TRPC4: variants seen among roughly 807,000 people sequenced by gnomAD.
The protein encoded by TRPC4 is short transient receptor potential channel 4.
A neutral mutation model predicts 99.4 loss-of-function variants in TRPC4; 49 were observed. That is an observed-to-expected ratio of 0.49 (90% CI 0.39 to 0.63). The LOEUF is 0.63. Among genes scored for constraint, TRPC4 ranks in the 20% least tolerant of loss-of-function variants. The probability of loss-of-function intolerance (pLI) is 0.00; values close to 1 mark genes in which losing one functional copy is unlikely to be tolerated. For missense variants in TRPC4, 898 were observed against 1,152.9 expected (o/e 0.78, Z 3.20); for synonymous variants, 454 against 425.9 (o/e 1.07, Z -0.81).
Position 37,736,246 on chromosome 13 carries a change from A to G in TRPC4, c.897+9691T>C, listed in dbSNP as rs117444131. ...AGGGGGCTGGGGTAGAGCATTAGGG[A>G]TTCTGTGATCCATATTGCCTCTGCC... On this transcript the variant is annotated intron_variant, in intron 3 of 10. Coordinates refer to ENST00000379705, the MANE Select transcript of TRPC4 (RefSeq NM_016179.4). Among the ~76,000 whole-genome samples, 1,520 of 152,128 alleles carry G rather than the reference A, an allele frequency of 1.0e-2. 12 individuals are homozygous for G. The highest frequency in any genetic ancestry group is 0.03 in the South Asian group (144 of 4,822).
chr13:37,821,190 CCACACACACACACACACACA>C (rs3086254), intron 1 of TRPC4, among the ~76,000 whole-genome samples: 1 of 135,938 alleles, frequency 7.4e-6, no homozygotes, highest in Non-Finnish European at 1.6e-5. Context: ...TTCACAATAG[CCACACACACACACACACACA>C]CACACACACA....
Position 37,639,280 on chromosome 13 carries a change from A to C in TRPC4, c.2099T>G (p.Leu700Trp), listed in dbSNP as rs770079185. The change falls in exon 9 of 11, where the codon TTG becomes TGG. Residue 700 changes from leucine (L) to tryptophan (W), a missense_variant. Coordinates refer to ENST00000379705, the MANE Select transcript of TRPC4 (RefSeq NM_016179.4). Reference protein sequence around the residue: ...GTIGRRAADNLRRHHQYQEVM... With the variant: ...GTIGRRAADNWRRHHQYQEVM... ...TACTTGGTATTGGTGATGTCTTCTC[A>C]AGTTATCAGCAGCTCGCCTCTGAAA... The C allele has an allele frequency of 1.9e-6, 3 of 1,613,690 alleles. No individual in the cohort carries two copies. The highest frequency in any genetic ancestry group is 2.5e-6 in the Non-Finnish European group (3 of 1,179,678).
At chr13:37,837,552 G>A (rs138133199) in intron 1 of TRPC4, among the ~76,000 whole-genome samples, 1,629 of 152,318 alleles carry the variant, frequency 0.011, 21 homozygotes, top group African/African-American at 0.037. Context: ...CATGGGGCCT[G>A]TAGCCTCTTT....
At chr13:37,846,619 A>G (rs1470787914) in intron 1 of TRPC4, among the ~76,000 whole-genome samples, 3 of 150,276 alleles carry the variant, frequency 2.0e-5, no homozygotes, top group Non-Finnish European at 1.5e-5. Context: ...AAACCATCAA[A>G]CCACAAATGA....
At chr13:37,667,162 A>G (rs1952672454) in intron 5 of TRPC4, among the ~76,000 whole-genome samples, 1 of 152,118 alleles carries the variant, frequency 6.6e-6, no homozygotes, top group Non-Finnish European at 1.5e-5. Context: ...TCTAAACCCA[A>G]ATCTTATGTA....
chr13:37,688,911 T>C (rs1205811281), intron 4 of TRPC4, among the ~76,000 whole-genome samples: 1 of 152,134 alleles, frequency 6.6e-6, no homozygotes, highest in African/African-American at 2.4e-5. Context: ...CAATGAACTA[T>C]GAAATGTTCT....
At chr13:37,831,996 A>G (rs964778561) in intron 1 of TRPC4, among the ~76,000 whole-genome samples, 2 of 152,164 alleles carry the variant, frequency 1.3e-5, no homozygotes, top group Non-Finnish European at 2.9e-5. Context: ...ATATTTTACA[A>G]TGTGTTGTAT....
chr13:37,779,544 A>G (rs912969623), intron 2 of TRPC4, among the ~76,000 whole-genome samples: 2 of 152,054 alleles, frequency 1.3e-5, no homozygotes, highest in African/African-American at 4.8e-5. Context: ...TCTTTTCATT[A>G]CATGCTGCAT....
At chr13:37,718,733 G>A (rs973307351) in intron 3 of TRPC4, among the ~76,000 whole-genome samples, 2 of 151,540 alleles carry the variant, frequency 1.3e-5, no homozygotes, top group Non-Finnish European at 2.9e-5. Flanking sequence ...CCAATCTAAG[G>A]AAAAAAGAGA....
intron 3 of TRPC4, among the ~76,000 whole-genome samples, chr13:37,708,275 A>G (rs1340147812): frequency 1.3e-5 from 2 of 152,124 alleles, no homozygotes; most frequent in African/African-American, 2.4e-5. Flanking sequence ...CTAGTGCTGG[A>G]AAGTCCATTT....
intron 2 of TRPC4, among the ~76,000 whole-genome samples, chr13:37,756,321 C>T (rs569762414): frequency 3.3e-5 from 5 of 152,016 alleles, no homozygotes; most frequent in Middle Eastern, 3.4e-3. Flanking sequence ...TAAACAAACT[C>T]GAAAGTATTA....
rs571164942 is a variant in TRPC4 at position 37,746,444 on chromosome 13, T to C, written c.390A>G (p.Ile130Met). 6.5e-7 allele frequency: 1 copy of C among 1,528,154 alleles called. No homozygotes were observed. Among genetic ancestry groups the C allele is most frequent in the Non-Finnish European group, 8.7e-7 (1 of 1,149,794 alleles). 94.7% of individuals were successfully genotyped at this position (1,528,154 alleles called of 1,614,324 possible). ...ATTCAGAGAACTGCTTATCAAGGAG[T>C]ATAGGAGGCACCTAAAAAAAAAAAA... ...KPSGEKQVPP[I>M]LLDKQFSEFT... The change falls in exon 3 of 11, where the codon ATA becomes ATG. Residue 130 changes from isoleucine to methionine, a missense_variant. Transcript: ENST00000379705.
At chr13:37,709,993 GGACAGAT>G (rs1454537922) in intron 3 of TRPC4, among the ~76,000 whole-genome samples, 4 of 151,830 alleles carry the variant, frequency 2.6e-5, no homozygotes, top group Non-Finnish European at 5.9e-5. Context: ...CCTATACATA[GGACAGAT>G]GACAAAAGAA....
chr13:37,855,595 C>T (rs575521308), intron 1 of TRPC4, among the ~76,000 whole-genome samples: 1 of 151,822 alleles, frequency 6.6e-6, no homozygotes, highest in East Asian at 1.9e-4. Context: ...CTTGCTTCAG[C>T]CCATGGATCA....
At chr13:37,837,126 T>C (rs1170530636) in intron 1 of TRPC4, among the ~76,000 whole-genome samples, 1 of 152,208 alleles carries the variant, frequency 6.6e-6, no homozygotes, top group African/African-American at 2.4e-5. Context: ...CCACCTAGAT[T>C]TCAGAAGATG....
At chr13:37,664,660 A>G (rs1952577109) in intron 5 of TRPC4, among the ~76,000 whole-genome samples, 1 of 152,234 alleles carries the variant, frequency 6.6e-6, no homozygotes, top group South Asian at 2.1e-4. Context: ...ACTGAATAAT[A>G]AATTGAATTA....
chr13:37,836,917 G>A (rs1317454227), intron 1 of TRPC4, among the ~76,000 whole-genome samples: 2 of 152,168 alleles, frequency 1.3e-5, no homozygotes, highest in East Asian at 3.9e-4. Context: ...GGTTTAATGG[G>A]CCAGGCCCAG....
chr13:37,712,804 A>T (rs1023238166), intron 3 of TRPC4, among the ~76,000 whole-genome samples: 1 of 152,170 alleles, frequency 6.6e-6, no homozygotes, highest in Non-Finnish European at 1.5e-5. Context: ...TACAACCTGC[A>T]TATTAGCAAA....
intron 1 of TRPC4, among the ~76,000 whole-genome samples, chr13:37,808,738 T>C (rs1333366): frequency 0.29 from 43,898 of 151,906 alleles, 6,563 homozygotes; most frequent in East Asian, 0.43. Flanking sequence ...GGTTACTCTA[T>C]TCTGGGATCA....
Sources: allele counts gnomAD v4.1 joint callset (sites outside exome capture counted in the v4.1 genomes callset), GRCh38; gene constraint gnomAD v4.1.1; transcripts MANE v1.5; gene names NCBI Gene and HGNC (gene_info 2026-07-23, HGNC 2026-07-21).